Variants in PRRC1 observed in about 807,000 individuals in gnomAD.
The protein encoded by PRRC1 is proline rich coiled-coil 1, also known as protein PRRC1.
Under a neutral mutation model 40.7 loss-of-function variants are expected in PRRC1, and 39 were observed. The ratio of observed to expected loss-of-function variants is 0.96; its 90% CI spans 0.74 to 1.25. PRRC1 has a LOEUF of 1.25. Ranked by LOEUF, PRRC1 falls within the 50% of genes most tolerant of loss-of-function variation. The pLI is 0.00. For missense variants in PRRC1, 573 were observed against 548.3 expected (o/e 1.05, Z -0.45); for synonymous variants, 175 against 193.3 (o/e 0.91, Z 0.79).
intron 1 of PRRC1, among the ~76,000 whole-genome samples, chr5:127,518,173 G>T (rs934244298): frequency 2.6e-5 from 4 of 152,218 alleles, no homozygotes; most frequent in African/African-American, 7.2e-5. Flanking sequence ...GCCCTGTCTG[G>T]CCTGGAGACG....
In PRRC1 at chr5:127,553,835, T is replaced by G. The variant is rs761939593; in HGVS notation, c.*1919T>G. 1.8e-5 allele frequency: 27 copies of G among 1,535,724 alleles called. No individual in the cohort carries two copies. The South Asian group carries it at 2.4e-4, about 14-fold the overall frequency. ...TAGAATCCCCAAAGAGCAGTGGCAG[T>G]CCATGGCTTGGTTGAAGCTAGAAAT... On this transcript the variant is annotated 3_prime_UTR_variant, in exon 9 of 9. Transcript: ENST00000296666.
rs1269039303 is a variant in PRRC1, at chr5:127,553,909, G to C, written c.*1993G>C. 6.5e-7 allele frequency: 1 copy of C among 1,535,340 alleles called. No homozygotes were observed. Among genetic ancestry groups the C allele is most frequent in the Non-Finnish European group, 8.7e-7 (1 of 1,146,406 alleles). ...AAGCCTCCTGCTCGGAACCGTGTGA[G>C]TGGGTGAGGAAGATGAGAGATGGTC... On this transcript the variant is annotated 3_prime_UTR_variant, in exon 9 of 9. Coordinates refer to ENST00000296666, the MANE Select transcript of PRRC1 (RefSeq NM_130809.5).
At chr5:127,530,942 ATTTAATT>A (rs1767752613) in intron 5 of PRRC1, among the ~76,000 whole-genome samples, 1 of 152,204 alleles carries the variant, frequency 6.6e-6, no homozygotes, top group South Asian at 2.1e-4. Context: ...ACTGTCTGCT[ATTTAATT>A]TTTATGTACA....
Position 127,523,582 on chromosome 5 carries a change from G to A in PRRC1, c.103G>A (p.Ala35Thr). ...TAMSSTPVPLAATSSFSSPNV... is the reference protein window; with the variant it reads ...TAMSSTPVPLTATSSFSSPNV... ...TATGTCTTCTACCCCTGTTCCATTA[G>A]GTACATGTAGTTGTCTAACATCTCG... Residue 35 changes from alanine (A) to threonine (T), a missense_variant and splice_region_variant, in exon 2 of 9, where the codon GCG becomes ACG. By Grantham distance (58) the Ala-to-Thr change is moderately conservative. Transcript: ENST00000296666. 1 of 1,582,156 alleles carries A rather than the reference G, an allele frequency of 6.3e-7. No individual in the cohort carries two copies. The highest frequency in any genetic ancestry group is 8.6e-7 in the Non-Finnish European group (1 of 1,162,458).
chr5:127,527,479 A>G (rs1267774136), intron 4 of PRRC1, among the ~76,000 whole-genome samples: 1 of 152,114 alleles, frequency 6.6e-6, no homozygotes, highest in Non-Finnish European at 1.5e-5. Context: ...TAGGTCTGGC[A>G]TGGTGCCTCA....
intron 1 of PRRC1, among the ~76,000 whole-genome samples, chr5:127,518,799 C>A (rs896542274): frequency 2.6e-5 from 4 of 151,278 alleles, no homozygotes; most frequent in Non-Finnish European, 5.9e-5. Flanking sequence ...TCTAGCCGGA[C>A]TGAGAACTCA....
intron 6 of PRRC1, among the ~76,000 whole-genome samples, chr5:127,537,930 T>A (rs1767939919): frequency 6.6e-6 from 1 of 151,992 alleles, no homozygotes; most frequent in African/African-American, 2.4e-5. Context: ...ATATTTACAC[T>A]ATTTGTATTC....
intron 1 of PRRC1, among the ~76,000 whole-genome samples, 192 bp from the exon 2 acceptor site, chr5:127,523,268 T>C (rs956646282): frequency 1.3e-5 from 2 of 152,260 alleles, no homozygotes; most frequent in Non-Finnish European, 2.9e-5. Flanking sequence ...GATTGTTTGA[T>C]ATTAAATATT....
chr5:127,540,686 A>G (rs1234707544), intron 7 of PRRC1, among the ~76,000 whole-genome samples: 1 of 152,074 alleles, frequency 6.6e-6, no homozygotes. Context: ...ATGTCATGGT[A>G]CTGTTTTCTG....
intron 4 of PRRC1, among the ~76,000 whole-genome samples, chr5:127,529,814 A>G (rs1339968232): frequency 2.0e-5 from 3 of 152,150 alleles, no homozygotes; most frequent in African/African-American, 7.2e-5. Flanking sequence ...AAAATGTTGT[A>G]CGTTAAGGTA....
chr5:127,536,715 T>A (rs1487676979), intron 6 of PRRC1, among the ~76,000 whole-genome samples: 1 of 152,102 alleles, frequency 6.6e-6, no homozygotes, highest in Admixed American at 6.5e-5. Context: ...TATCTTTTTA[T>A]AATAGCATTT....
At chr5:127,527,533 G>T (rs1767651324) in intron 4 of PRRC1, among the ~76,000 whole-genome samples, 1 of 151,974 alleles carries the variant, frequency 6.6e-6, no homozygotes, top group Non-Finnish European at 1.5e-5. Flanking sequence ...CAGGGGGATT[G>T]CTTGAGTCGA....
At chr5:127,529,995 T>C (rs1212224431) in intron 4 of PRRC1, among the ~76,000 whole-genome samples, 2 of 152,044 alleles carry the variant, frequency 1.3e-5, no homozygotes. Context: ...AAATTATATA[T>C]ATGTATATAC....
At chr5:127,530,007 C>T (rs1767724548) in intron 4 of PRRC1, among the ~76,000 whole-genome samples, 1 of 151,926 alleles carries the variant, frequency 6.6e-6, no homozygotes, top group Admixed American at 6.6e-5. Flanking sequence ...TGTATATACA[C>T]ACACATATAT....
chr5:127,525,387 T>G (rs1240082400), intron 3 of PRRC1, among the ~76,000 whole-genome samples: 1 of 152,266 alleles, frequency 6.6e-6, no homozygotes, highest in African/African-American at 2.4e-5. Context: ...TATTCCAGTT[T>G]ATGAATATGT....
chr5:127,553,929 A>C lies in PRRC1; in HGVS notation c.*2013A>C. On this transcript the variant is annotated 3_prime_UTR_variant, in exon 9 of 9. Coordinates refer to ENST00000296666, the MANE Select transcript of PRRC1 (RefSeq NM_130809.5). The stretch of plus-strand genomic sequence containing the variant: ...TGTGAGTGGGTGAGGAAGATGAGAG[A>C]TGGTCAGATGGAAGAGAGAAATACA... The C allele has an allele frequency of 6.5e-7, 1 of 1,533,916 alleles. No individual in the cohort carries two copies. Among genetic ancestry groups the C allele is most frequent in the Non-Finnish European group, 8.7e-7 (1 of 1,145,526 alleles).
rs147347819 is a variant in PRRC1 at position 127,526,360 on chromosome 5, G to A, written c.494-258G>A. 2.9e-4 allele frequency among the ~76,000 whole-genome samples: 44 copies of A among 152,208 alleles called. 1 individual carries two copies. In the East Asian group the frequency reaches 8.1e-3, roughly 28 times the overall value. On this transcript the variant is annotated intron_variant, in intron 3 of 8. Transcript: ENST00000296666. Reference sequence around the variant, plus strand: ...CCGTTCATATCCAAGTGCTGAATAGGACAGACCTGAAGAACTTTTGGATAT... The same window carrying A: ...CCGTTCATATCCAAGTGCTGAATAGAACAGACCTGAAGAACTTTTGGATAT...
At chr5:127,533,499 T>A in intron 5 of PRRC1, 124 bp from the exon 6 acceptor site, 1 of 857,710 alleles carries the variant, frequency 1.2e-6, no homozygotes, top group Non-Finnish European at 1.8e-6. Flanking sequence ...ATGATCTATA[T>A]CTTGCATGGT....
At chr5:127,543,079 ATC>A (rs1472011653) in intron 7 of PRRC1, among the ~76,000 whole-genome samples, 1 of 150,250 alleles carries the variant, frequency 6.7e-6, no homozygotes, top group Admixed American at 6.7e-5. Context: ...TGGTGACAAA[ATC>A]TCTCAGCATT....
Sources: gnomAD v4.1 joint callset for allele counts (sites outside exome capture counted in the v4.1 genomes callset) on GRCh38, gnomAD v4.1.1 for gene constraint, MANE v1.5 for transcripts, NCBI Gene and HGNC (gene_info 2026-07-23, HGNC 2026-07-21) for gene names.